The following ELF1 variants were observed in gnomAD, a reference collection of about 807,000 sequenced individuals.
ELF1 encodes the protein ETS-related transcription factor Elf-1.
ELF1 carries 24 observed loss-of-function variants against 59.9 expected under a neutral mutation model. The ratio of observed to expected loss-of-function variants is 0.40; its 90% confidence interval spans 0.29 to 0.56. The LOEUF is 0.56. Among genes scored for constraint, ELF1 ranks in the 20% least tolerant of loss-of-function variants. The pLI is 0.44. For missense variants in ELF1, 627 were observed against 742.2 expected (o/e 0.84, Z 1.80); for synonymous variants, 248 against 266.2 (o/e 0.93, Z 0.67).
chr13:41,023,089 T>G (rs1861955548), upstream of ELF1, among the ~76,000 whole-genome samples: 1 of 152,200 alleles, frequency 6.6e-6, no homozygotes, highest in African/African-American at 2.4e-5. Context: ...CTCATGGAAT[T>G]GTCAACATGT....
chr13:41,003,331 G>C (rs1393891222), intron 1 of ELF1, among the ~76,000 whole-genome samples: 1 of 151,962 alleles, frequency 6.6e-6, no homozygotes, highest in Non-Finnish European at 1.5e-5. Flanking sequence ...ATAACTATTT[G>C]GTTCTTCTAA....
At chr13:41,020,516 A>G (rs1187340877), upstream of ELF1, among the ~76,000 whole-genome samples, 1 of 152,236 alleles carries the variant, frequency 6.6e-6, no homozygotes, top group East Asian at 1.9e-4. Context: ...AAAATGCTGC[A>G]AAACAGCAAT....
chr13:41,013,922 C>T (rs184493752), intron 1 of ELF1, among the ~76,000 whole-genome samples: 27 of 151,546 alleles, frequency 1.8e-4, no homozygotes, highest in Non-Finnish European at 2.9e-4. Context: ...TTTTCTAAAC[C>T]CAGAAACTAA....
At chr13:41,039,476 T>A (rs965390596) in intron 1 of ELF1, among the ~76,000 whole-genome samples, 2 of 152,066 alleles carry the variant, frequency 1.3e-5, no homozygotes, top group Non-Finnish European at 2.9e-5. Flanking sequence ...AGGCAATATA[T>A]TGTGGATGTG....
Position 40,943,027 on chromosome 13 carries a change from T to C in ELF1, c.731A>G (p.Lys244Arg), listed in dbSNP as rs1870283446. 6.2e-7 allele frequency: 1 copy of C among 1,613,342 alleles called. No individual in the cohort carries two copies. The highest frequency in any genetic ancestry group is 1.7e-5 in the Admixed American group (1 of 59,986). ...EKGIFKLVDS[K>R]AVSRLWGKHK... Reference sequence around the variant, plus strand: ...CTTCCCCCACAACCTGGACACTGCTTTAGAATCCACCAATTTAAAAATGCC... The same window carrying C: ...CTTCCCCCACAACCTGGACACTGCTCTAGAATCCACCAATTTAAAAATGCC... Residue 244 changes from lysine to arginine, a missense_variant, in exon 7 of 9, where the codon AAA (lysine) becomes AGA (arginine). Lys to Arg is a conservative substitution (Grantham distance 26). Around this residue, in one of 3 missense-constraint regions of ELF1, gnomAD observed 34 missense variants for 76.8 expected, o/e 0.44. Coordinates refer to ENST00000239882, the MANE Select transcript of ELF1 (RefSeq NM_172373.4).
intron 1 of ELF1, among the ~76,000 whole-genome samples, chr13:41,042,030 A>G (rs1876632189): frequency 6.6e-6 from 1 of 152,004 alleles, no homozygotes; most frequent in South Asian, 2.1e-4. Context: ...TTACTTATGT[A>G]TTTATATTTT....
chr13:41,045,449 A>C (rs1208813385), intron 1 of ELF1, among the ~76,000 whole-genome samples: 1 of 152,138 alleles, frequency 6.6e-6, no homozygotes, highest in Non-Finnish European at 1.5e-5. Flanking sequence ...TTCCCTCTAC[A>C]CGCTGCTTTA....
At chr13:40,978,147 A>T (rs558900981) in intron 2 of ELF1, among the ~76,000 whole-genome samples, 4 of 152,270 alleles carry the variant, frequency 2.6e-5, no homozygotes, top group African/African-American at 9.6e-5. Flanking sequence ...TGGGAGGCCG[A>T]GGCAGGCAGA....
intron 6 of ELF1, 147 bp from the exon 7 acceptor site, chr13:40,943,291 G>T: frequency 1.5e-6 from 1 of 657,624 alleles, no homozygotes; most frequent in Non-Finnish European, 2.3e-6. Flanking sequence ...AATTTAGTTA[G>T]TATGGGTGAT....
At chr13:40,996,566 CCAT>C (rs1253840499) in intron 1 of ELF1, among the ~76,000 whole-genome samples, 2 of 152,134 alleles carry the variant, frequency 1.3e-5, no homozygotes, top group African/African-American at 2.4e-5. Context: ...ATGTACACCA[CCAT>C]AAGTGAACCC....
chr13:41,060,867 C>G (rs976951295), exon 1 of ELF1: 3 of 332,696 alleles, frequency 9.0e-6, no homozygotes, highest in African/African-American at 4.5e-5. Flanking sequence ...CTGCCTCCTT[C>G]GCCGCACCTC....
intron 1 of ELF1, among the ~76,000 whole-genome samples, chr13:41,032,565 T>C (rs778085143): frequency 1.3e-5 from 2 of 151,798 alleles, no homozygotes; most frequent in South Asian, 2.1e-4. Flanking sequence ...ATAAGGAGAT[T>C]AAGAAAAAAC....
intron 1 of ELF1, among the ~76,000 whole-genome samples, chr13:40,984,553 G>A (rs1226227334): frequency 6.6e-6 from 1 of 152,106 alleles, no homozygotes; most frequent in Non-Finnish European, 1.5e-5. Context: ...ATTACAGAAT[G>A]AGACTCTGTG....
intron 1 of ELF1, among the ~76,000 whole-genome samples, chr13:40,983,346 A>C (rs972805660): frequency 3.3e-5 from 5 of 152,212 alleles, no homozygotes; most frequent in Admixed American, 2.0e-4. Flanking sequence ...CTGGGGATGA[A>C]GCTGATCTAG....
chr13:41,021,176 T>C (rs932084051), upstream of ELF1, among the ~76,000 whole-genome samples: 4 of 152,252 alleles, frequency 2.6e-5, no homozygotes, highest in African/African-American at 9.6e-5. Flanking sequence ...AGAACAGGTA[T>C]CTAAAAGGAT....
intron 2 of ELF1, among the ~76,000 whole-genome samples, chr13:40,979,043 T>C (rs1357034006): frequency 2.0e-5 from 3 of 151,862 alleles, no homozygotes. Flanking sequence ...CCTGCTTCCT[T>C]CCTTCCCCCA....
In ELF1 at chr13:41,019,249, C is replaced by G. The variant is rs1208982615; in HGVS notation, c.-250G>C. 2.0e-6 allele frequency: 2 copies of G among 985,276 alleles called. No homozygotes were observed. Among genetic ancestry groups the G allele is most frequent in the Admixed American group, 6.2e-5 (1 of 16,258 alleles). 61.0% of individuals were successfully genotyped at this position (985,276 alleles called of 1,614,324 possible). ...TTACCTTCAAGTATTCTTTCTCTAT[C>G]GTCTTTTGAGCTTGAAAATAAAAAG... On this transcript the variant is annotated 5_prime_UTR_variant, in exon 1 of 9. Coordinates refer to ENST00000239882, the MANE Select transcript of ELF1 (RefSeq NM_172373.4).
intron 1 of ELF1, among the ~76,000 whole-genome samples, chr13:40,993,524 A>C (rs560513244): frequency 2.0e-5 from 3 of 152,162 alleles, no homozygotes; most frequent in East Asian, 1.9e-4. Context: ...GTTGTTGCCC[A>C]GGCTGGAGGG....
At chr13:40,987,657 A>G (rs1183696639) in intron 1 of ELF1, among the ~76,000 whole-genome samples, 1 of 152,086 alleles carries the variant, frequency 6.6e-6, no homozygotes, top group African/African-American at 2.4e-5. Flanking sequence ...TAGATCAGAC[A>G]ATTCTGGGAT....
Sources: allele counts gnomAD v4.1 joint callset (sites outside exome capture counted in the v4.1 genomes callset), GRCh38; gene constraint gnomAD v4.1.1; regional missense constraint gnomAD v4.1.1; transcripts MANE v1.5; gene names NCBI Gene and HGNC (gene_info 2026-07-23, HGNC 2026-07-21).